Variants in TMEM161B observed in about 807,000 individuals in gnomAD.
TMEM161B encodes transmembrane protein 161B.
TMEM161B carries 34 observed loss-of-function variants against 61.8 expected under a neutral mutation model. That is an observed-to-expected ratio of 0.55 (90% CI 0.42 to 0.73). The LOEUF is 0.73. Among genes scored for constraint, TMEM161B ranks in the 30% least tolerant of loss-of-function variants. The pLI is 0.00. For synonymous variants in TMEM161B, 167 were observed against 192.8 expected (o/e 0.87, Z 1.11); for missense variants, 456 against 558.5 (o/e 0.82, Z 1.85).
At chr5:88,204,858 AAGAC>A (rs1489387178) in intron 8 of TMEM161B, among the ~76,000 whole-genome samples, 1 of 151,990 alleles carries the variant, frequency 6.6e-6, no homozygotes, top group East Asian at 1.9e-4. Flanking sequence ...TTAAAAAAAA[AAGAC>A]AGTCAAAATT....
At chr5:88,187,071 T>A (rs1233405636), downstream of TMEM161B, among the ~76,000 whole-genome samples, 1 of 152,242 alleles carries the variant, frequency 6.6e-6, no homozygotes, top group African/African-American at 2.4e-5. Flanking sequence ...GTTCATTTTT[T>A]TAAAATGTGG....
intron 10 of TMEM161B, 191 bp from the exon 11 acceptor site, chr5:88,197,956 G>A (rs1390527161): frequency 2.3e-6 from 1 of 431,720 alleles, no homozygotes; most frequent in African/African-American, 2.0e-5. Flanking sequence ...TTGAAGACAA[G>A]TTTTTAGAAC....
At chr5:88,250,378 A>G (rs1754178169) in intron 1 of TMEM161B, among the ~76,000 whole-genome samples, 1 of 152,148 alleles carries the variant, frequency 6.6e-6, no homozygotes, top group Non-Finnish European at 1.5e-5. Context: ...TCCATTTCAT[A>G]GAACTATAAA....
chr5:88,193,109 G>A (rs1041001273), downstream of TMEM161B, among the ~76,000 whole-genome samples: 19 of 152,038 alleles, frequency 1.2e-4, no homozygotes, highest in African/African-American at 3.6e-4. Context: ...GAAAAATACT[G>A]ATATAATAAA....
intron 1 of TMEM161B, among the ~76,000 whole-genome samples, chr5:88,261,394 G>T (rs1445837871): frequency 1.3e-5 from 2 of 150,822 alleles, no homozygotes; most frequent in African/African-American, 2.4e-5. Context: ...TATTTTAAGG[G>T]TATCAAAAAA....
chr5:88,252,101 T>C (rs1163861813), intron 1 of TMEM161B, among the ~76,000 whole-genome samples: 1 of 152,168 alleles, frequency 6.6e-6, no homozygotes, highest in Admixed American at 6.5e-5. Context: ...GGTTGTAGAA[T>C]TTTTTTAAAT....
At chr5:88,199,684 T>C (rs1310227786) in intron 9 of TMEM161B, 1 of 152,168 alleles carries the variant, frequency 6.6e-6, no homozygotes. Flanking sequence ...TAACTTGCTA[T>C]GCGTTGAAGC....
At chr5:88,206,263 C>A (rs1745442886) in intron 7 of TMEM161B, among the ~76,000 whole-genome samples, 176 bp downstream of exon 7, 1 of 151,902 alleles carries the variant, frequency 6.6e-6, no homozygotes, top group African/African-American at 2.4e-5. Flanking sequence ...CATAAGAATT[C>A]TATAAAAGAC....
At chr5:88,234,819 C>T (rs980230099) in intron 2 of TMEM161B, among the ~76,000 whole-genome samples, 5 of 152,020 alleles carry the variant, frequency 3.3e-5, no homozygotes, top group Non-Finnish European at 2.9e-5. Flanking sequence ...AATCCCAACA[C>T]GTTGGGAGGC....
chr5:88,204,753 AG>A (rs1420906021), intron 8 of TMEM161B, among the ~76,000 whole-genome samples: 1 of 151,694 alleles, frequency 6.6e-6, no homozygotes, highest in African/African-American at 2.4e-5. Flanking sequence ...GAGTAAAAGG[AG>A]AAAAAAAAAA....
rs74590393 is a variant in TMEM161B, at chr5:88,241,952, A to G, written c.4-1036T>C. ...CCCCAGAAATAATAGAGCATCTTCT[A>G]TAGAAAGCAAATCTCTCTATCTGTG... On this transcript the variant is annotated intron_variant, in intron 1 of 11. Coordinates refer to ENST00000296595, the MANE Select transcript of TMEM161B (RefSeq NM_153354.5). 7.6e-3 allele frequency among the ~76,000 whole-genome samples: 1,157 copies of G among 151,916 alleles called. 57 individuals carry two copies. In the East Asian group the frequency reaches 0.15, roughly 19 times the overall value.
At chr5:88,193,839 A>G (rs1444607898), downstream of TMEM161B, among the ~76,000 whole-genome samples, 1 of 152,190 alleles carries the variant, frequency 6.6e-6, no homozygotes, top group Non-Finnish European at 1.5e-5. Flanking sequence ...TTTTGGTATC[A>G]TCTTATTATA....
chr5:88,193,401 G>A (rs1209107297), downstream of TMEM161B, among the ~76,000 whole-genome samples: 1 of 151,936 alleles, frequency 6.6e-6, no homozygotes, highest in Non-Finnish European at 1.5e-5. Context: ...GTCTAATTTG[G>A]GGATATTAAA....
At position 88,207,332 on chromosome 5, in the gene TMEM161B, A is replaced by G. The variant is rs191894294; in HGVS notation, c.447-152T>C. 1,576 of 690,568 alleles carry G rather than the reference A, an allele frequency of 2.3e-3. 4 individuals are homozygous for G. The highest frequency in any genetic ancestry group is 0.012 in the Middle Eastern group (40 of 3,246). 42.8% of individuals were successfully genotyped at this position (690,568 alleles called of 1,614,324 possible). A position where few individuals can be genotyped will look rare whatever the true frequency, so the allele number is the denominator to read the frequency against. On this transcript the variant is annotated intron_variant, in intron 5 of 11. Coordinates refer to ENST00000296595, the MANE Select transcript of TMEM161B (RefSeq NM_153354.5). ...TTTTAAATTAAGGAAAAGAGCACCC[A>G]TATACTAAGTTGTAGCTAGGGAATG...
At position 88,228,541 on chromosome 5, in the gene TMEM161B, A is replaced by T. The variant is rs751233155; in HGVS notation, c.108-13T>A. 2 of 1,568,402 alleles carry T rather than the reference A, an allele frequency of 1.3e-6. No individual in the cohort carries two copies. Among genetic ancestry groups the T allele is most frequent in the East Asian group, 4.5e-5 (2 of 44,208 alleles). On this transcript the variant is annotated splice_polypyrimidine_tract_variant and intron_variant, in intron 2 of 11. Transcript: ENST00000296595. ...ATACCACCTCAAACTAAGCAAAAAA[A>T]GAATTCTTTTAAATAAAGCGCTTAA...
At position 88,196,099 on chromosome 5, in the gene TMEM161B, T is replaced by C. The variant is rs764728241; in HGVS notation, c.*112A>G. The stretch of plus-strand genomic sequence containing the variant: ...ACATTTAATACAAGACATTCTGATA[T>C]GTTTTTTTTTTCCCATTGTATTTGC... On this transcript the variant is annotated 3_prime_UTR_variant, in exon 12 of 12. Transcript: ENST00000296595. 6.2e-6 allele frequency: 9 copies of C among 1,456,052 alleles called. No individual in the cohort carries two copies. Among genetic ancestry groups the C allele is most frequent in the Non-Finnish European group, 8.1e-6 (9 of 1,106,476 alleles). 90.2% of individuals were successfully genotyped at this position (1,456,052 alleles called of 1,614,324 possible). A position where few individuals can be genotyped will look rare whatever the true frequency, so the allele number is the denominator to read the frequency against.
chr5:88,209,548 C>T (rs1746265937), intron 5 of TMEM161B, among the ~76,000 whole-genome samples: 1 of 152,150 alleles, frequency 6.6e-6, no homozygotes, highest in Non-Finnish European at 1.5e-5. Context: ...CAATCTGATC[C>T]AGACATGAAG....
chr5:88,268,746 C>T lies in TMEM161B; in HGVS notation c.-23G>A. The T allele has an allele frequency of 6.2e-7, 1 of 1,614,048 alleles. No individual in the cohort carries two copies. Among genetic ancestry groups the T allele is most frequent in the Non-Finnish European group, 8.5e-7 (1 of 1,179,954 alleles). ...CATGGCGCCTAGGATAGGTCGTGGA[C>T]CAGACACCCTGGAGTTGCCGGGGCA... On this transcript the variant is annotated 5_prime_UTR_variant, in exon 1 of 12. Coordinates refer to ENST00000296595, the MANE Select transcript of TMEM161B (RefSeq NM_153354.5).
downstream of TMEM161B, among the ~76,000 whole-genome samples, chr5:88,193,077 C>G (rs150351275): frequency 6.6e-6 from 1 of 151,966 alleles, no homozygotes. Flanking sequence ...GGTCATTTTA[C>G]GCACATCAAT....
Sources: allele counts gnomAD v4.1 joint callset (sites outside exome capture counted in the v4.1 genomes callset), GRCh38; gene constraint gnomAD v4.1.1; transcripts MANE v1.5; gene names NCBI Gene and HGNC (gene_info 2026-07-23, HGNC 2026-07-21).